The following CACNA1C variants were observed in gnomAD, a reference collection of about 807,000 sequenced individuals.
CACNA1C encodes the protein voltage-dependent L-type calcium channel subunit alpha-1C.
A neutral mutation model predicts 229.0 loss-of-function variants in CACNA1C; 30 were observed. The ratio of observed to expected loss-of-function variants is 0.13; its 90% CI spans 0.10 to 0.18. The LOEUF is 0.18. CACNA1C is among the 10% of genes least tolerant of loss of function. The pLI is 1.00. For missense variants in CACNA1C, 1,658 were observed against 2,845.0 expected (o/e 0.58, Z 9.49); for synonymous variants, 1,114 against 1,132.5 (o/e 0.98, Z 0.33).
At chr12:2,272,899 C>G (rs115250919) in intron 3 of CACNA1C, among the ~76,000 whole-genome samples, 2 of 152,220 alleles carry the variant, frequency 1.3e-5, no homozygotes, top group East Asian at 1.9e-4. Flanking sequence ...TATAGGCAAA[C>G]AAGACTCTGA....
At chr12:2,109,251 C>T (rs376899331) in intron 1 of CACNA1C, among the ~76,000 whole-genome samples, 1 of 152,186 alleles carries the variant, frequency 6.6e-6, no homozygotes, top group East Asian at 1.9e-4. Context: ...ATGCCAGGGG[C>T]GTTGGGCATG....
At chr12:2,208,656 T>C (rs2097830747) in intron 3 of CACNA1C, among the ~76,000 whole-genome samples, 1 of 152,182 alleles carries the variant, frequency 6.6e-6, no homozygotes, top group Admixed American at 6.5e-5. Flanking sequence ...ATACAGTGTT[T>C]TACTGTTTAA....
chr12:2,293,548 A>C (rs2093717886), intron 3 of CACNA1C, among the ~76,000 whole-genome samples: 1 of 152,172 alleles, frequency 6.6e-6, no homozygotes, highest in Non-Finnish European at 1.5e-5. Flanking sequence ...CTTTCATAAA[A>C]CAGTATGAGA....
rs547979044 is a variant in CACNA1C at position 2,610,831 on chromosome 12, C to T, written c.3717+132C>T. On this transcript the variant is annotated intron_variant, in intron 28 of 46. Transcript: ENST00000399655. ...ACCAAGGGAGGCATTTGGAGAAAGA[C>T]GAGTGTTCTCTGTCAAGGATGTGCT... The T allele has an allele frequency of 1.5e-4, 127 of 874,086 alleles. 1 individual carries two copies. In the South Asian group the frequency reaches 2.0e-3, roughly 14 times the overall value. 54.1% of individuals were successfully genotyped at this position (874,086 alleles called of 1,614,324 possible).
intron 3 of CACNA1C, among the ~76,000 whole-genome samples, chr12:2,357,551 A>G (rs888598256): frequency 6.6e-6 from 1 of 151,952 alleles, no homozygotes; most frequent in African/African-American, 2.4e-5. Flanking sequence ...CTAATTAGTG[A>G]ACAAAGAGGC....
chr12:2,179,558 C>T (rs937129750), intron 3 of CACNA1C, among the ~76,000 whole-genome samples: 7 of 152,146 alleles, frequency 4.6e-5, no homozygotes, highest in Non-Finnish European at 8.8e-5. Flanking sequence ...TTGACCCAGA[C>T]CCCTATTGCG....
chr12:2,271,752 A>C (rs2085095329), intron 3 of CACNA1C, among the ~76,000 whole-genome samples: 2 of 151,888 alleles, frequency 1.3e-5, no homozygotes, highest in Non-Finnish European at 2.9e-5. Flanking sequence ...AAAAATTAGC[A>C]GAGCATGGTG....
chr12:2,679,789 T>C lies in CACNA1C; in HGVS notation c.5437T>C (p.Ser1813Pro), dbSNP rs1415012067. Reference protein sequence around the residue: ...RVQEVAWKLSSNRCHSRESQA... With the variant: ...RVQEVAWKLSPNRCHSRESQA... Reference sequence around the variant, plus strand: ...GCAGGAGGTGGCGTGGAAGCTCAGCTCCAACAGGTAAGTGGGAGGCTGGCC... The same window carrying C: ...GCAGGAGGTGGCGTGGAAGCTCAGCCCCAACAGGTAAGTGGGAGGCTGGCC... The change falls in exon 42 of 47, where the codon TCC becomes CCC. Residue 1813 changes from serine to proline, a missense_variant. Around this residue, in one of 20 missense-constraint regions of CACNA1C, gnomAD observed 590 missense variants for 700.8 expected, o/e 0.84. Coordinates refer to ENST00000399655, the MANE Select transcript of CACNA1C (RefSeq NM_000719.7). This position sits in a 1 kb window ranked among gnomAD's most constrained non-coding sequence, Gnocchi z 5.5. The C allele has an allele frequency of 6.4e-7, 1 of 1,560,984 alleles. No individual in the cohort carries two copies. The highest frequency in any genetic ancestry group is 8.7e-7 in the Non-Finnish European group (1 of 1,151,426).
At chr12:2,453,225 C>T (rs1334022383) in intron 4 of CACNA1C, among the ~76,000 whole-genome samples, 6 of 152,106 alleles carry the variant, frequency 3.9e-5, no homozygotes, top group Non-Finnish European at 7.4e-5. Context: ...GTTTCTAGAC[C>T]AATCCCCTCA....
chr12:2,504,311 T>C lies in CACNA1C; in HGVS notation c.1114-531T>C, dbSNP rs116107977. 203 of 652,224 alleles carry C rather than the reference T, an allele frequency of 3.1e-4. No homozygotes were observed. The African/African-American group carries it at 3.3e-3, about 11-fold the overall frequency. The allele number at this position is 652,224 out of a possible 1,614,324, so 40.4% of individuals were successfully genotyped here. ...GCCCTGGGTAACACGGGTAACCTGG[T>C]GCACATGAACAAAGCCCACGTTCAG... On this transcript the variant is annotated intron_variant, in intron 7 of 46. Coordinates refer to ENST00000399655, the MANE Select transcript of CACNA1C (RefSeq NM_000719.7). This position sits in a 1 kb window ranked among gnomAD's most constrained non-coding sequence, Gnocchi z 6.8.
rs1329991609 is a variant in CACNA1C, at chr12:2,504,815, T to G, written c.1114-27T>G. On this transcript the variant is annotated intron_variant, in intron 7 of 46. Transcript: ENST00000399655. This position sits in a 1 kb window ranked among gnomAD's most constrained non-coding sequence, Gnocchi z 6.8. Reference sequence around the variant, plus strand: ...GCCGTGCTCGGTTGCTGAGTGTGCCTCACTAACTATCATTCCGTTCTTCCA... The same window carrying G: ...GCCGTGCTCGGTTGCTGAGTGTGCCGCACTAACTATCATTCCGTTCTTCCA... 1 of 1,330,980 alleles carries G rather than the reference T, an allele frequency of 7.5e-7. No homozygotes were observed. Among genetic ancestry groups the G allele is most frequent in the Admixed American group, 1.7e-5 (1 of 59,362 alleles). 82.4% of individuals were successfully genotyped at this position (1,330,980 alleles called of 1,614,324 possible).
rs564599096 is a variant in CACNA1C at position 2,364,958 on chromosome 12, AAGG to A, written c.478-84015_478-84013del. ...GCCTCTGCGGTGAATTTAAGGCAAGAAGGAGAATGAGGAAGCAACAGCCCCTGC... is the reference window on the plus strand; with the variant it reads ...GCCTCTGCGGTGAATTTAAGGCAAGAAGAATGAGGAAGCAACAGCCCCTGC... On this transcript the variant is annotated intron_variant, in intron 3 of 46. Transcript: ENST00000399655. Among the ~76,000 whole-genome samples the A allele has an allele frequency of 1.8e-3, 276 of 152,346 alleles. 1 individual carries two copies. Among genetic ancestry groups the A allele is most frequent in the African/African-American group, 6.4e-3 (267 of 41,576 alleles).
intron 9 of CACNA1C, among the ~76,000 whole-genome samples, chr12:2,524,859 G>C (rs762392391): frequency 1.3e-5 from 2 of 152,222 alleles, no homozygotes; most frequent in African/African-American, 2.4e-5. Context: ...CTAAGTGCTC[G>C]GGGGCAGAAG....
At chr12:2,097,544 CAT>C (rs1164714648) in intron 1 of CACNA1C, among the ~76,000 whole-genome samples, 8 of 152,334 alleles carry the variant, frequency 5.3e-5, no homozygotes, top group South Asian at 4.1e-4. Flanking sequence ...AATTTTTCCA[CAT>C]GATTGCCAAT....
intron 9 of CACNA1C, among the ~76,000 whole-genome samples, chr12:2,536,058 C>A (rs1005892811): frequency 2.0e-5 from 3 of 152,210 alleles, no homozygotes; most frequent in Admixed American, 2.0e-4. Flanking sequence ...ACAAATGAGA[C>A]CTGTCTGAGG....
At chr12:2,555,295 G>A (rs2043513576) in intron 10 of CACNA1C, among the ~76,000 whole-genome samples, 1 of 152,246 alleles carries the variant, frequency 6.6e-6, no homozygotes, top group Non-Finnish European at 1.5e-5. Context: ...ACGCCTCATG[G>A]CAAAGGGCCG....
rs113771770 is a variant in CACNA1C, at chr12:2,205,721, C to T, written c.477+85291C>T. Among the ~76,000 whole-genome samples the T allele has an allele frequency of 4.4e-3, 672 of 152,174 alleles. 12 individuals are homozygous for T. The highest frequency in any genetic ancestry group is 0.032 in the South Asian group (156 of 4,812). ...GGGGTCATCTTAGTTTGCTCAGGCT[C>T]CTATAACAAAATACCGCAGTGGGGG... On this transcript the variant is annotated intron_variant, in intron 3 of 46. Coordinates refer to ENST00000399655, the MANE Select transcript of CACNA1C (RefSeq NM_000719.7).
intron 1 of CACNA1C, among the ~76,000 whole-genome samples, chr12:2,008,051 G>A (rs2043775628): frequency 6.6e-6 from 1 of 152,152 alleles, no homozygotes. Context: ...ATTGGGCTTT[G>A]AGTTTCTTGA....
chr12:2,099,063 G>A (rs1490804295), intron 1 of CACNA1C, among the ~76,000 whole-genome samples: 1 of 152,246 alleles, frequency 6.6e-6, no homozygotes, highest in Non-Finnish European at 1.5e-5. Context: ...TGGTTCTGAG[G>A]TTATGTGCAT....
Sources: allele counts gnomAD v4.1 joint callset (sites outside exome capture counted in the v4.1 genomes callset), GRCh38; gene constraint gnomAD v4.1.1; regional missense constraint gnomAD v4.1.1; non-coding constraint Gnocchi (gnomAD v3.1); transcripts MANE v1.5; gene names NCBI Gene and HGNC (gene_info 2026-07-23, HGNC 2026-07-21).